The following NRG3 variants were observed in gnomAD, a reference collection of about 807,000 sequenced individuals.
The protein encoded by NRG3 is neuregulin 3.
In NRG3, 31 loss-of-function variants were observed where a neutral mutation model predicts 66.9. The observed-to-expected ratio is 0.46, with a 90% CI of 0.35 to 0.63. NRG3 has a LOEUF of 0.63. Ranked by LOEUF, NRG3 falls within the 20% of genes least tolerant of loss-of-function variation. NRG3 has a pLI of 0.00. For synonymous variants in NRG3, 393 were observed against 359.4 expected (o/e 1.09, Z -1.06); for missense variants, 910 against 878.9 (o/e 1.04, Z -0.45).
At chr10:82,642,636 A>G (rs773192972) in intron 2 of NRG3, among the ~76,000 whole-genome samples, 12 of 151,998 alleles carry the variant, frequency 7.9e-5, no homozygotes, top group Non-Finnish European at 1.2e-4. Context: ...GGTTCTTCCA[A>G]TATACATACA....
intron 1 of NRG3, among the ~76,000 whole-genome samples, chr10:82,256,886 A>G (rs2134160216): frequency 6.6e-6 from 1 of 152,282 alleles, no homozygotes; most frequent in Non-Finnish European, 1.5e-5. Flanking sequence ...CTATGATGAG[A>G]GGCATGTTTT....
Position 82,313,811 on chromosome 10 carries a change from A to G in NRG3, c.824-44928A>G, listed in dbSNP as rs538710735. The stretch of plus-strand genomic sequence containing the variant: ...TCTCTGGCGATTGAAGGCTTGGGGG[A>G]AAACAGAAGAATGGCTAAATGAGCA... On this transcript the variant is annotated intron_variant, in intron 1 of 8. Coordinates refer to ENST00000372141, the MANE Select transcript of NRG3 (RefSeq NM_001010848.4). Among the ~76,000 whole-genome samples, 95 of 152,240 alleles carry G rather than the reference A, an allele frequency of 6.2e-4. 1 individual carries two copies. The South Asian group carries it at 0.017, about 27-fold the overall frequency.
intron 2 of NRG3, among the ~76,000 whole-genome samples, chr10:82,660,522 G>A (rs2052272658): frequency 1.3e-5 from 2 of 152,126 alleles, no homozygotes; most frequent in Non-Finnish European, 2.9e-5. Flanking sequence ...TGAAATTAAA[G>A]ACATTAATGT....
intron 2 of NRG3, among the ~76,000 whole-genome samples, chr10:82,465,752 G>A (rs1028536282): frequency 3.9e-5 from 6 of 152,080 alleles, no homozygotes; most frequent in East Asian, 1.9e-4. Context: ...TGTATCTCAC[G>A]TGACCTCTGC....
At chr10:82,946,211 TAA>T (rs201328836) in intron 4 of NRG3, among the ~76,000 whole-genome samples, 31 of 129,068 alleles carry the variant, frequency 2.4e-4, no homozygotes, top group Middle Eastern at 4.2e-3. Context: ...ATTTGAGATT[TAA>T]AAAAAAAAAA....
intron 4 of NRG3, among the ~76,000 whole-genome samples, chr10:82,937,926 G>T (rs1177491975): frequency 6.6e-6 from 1 of 152,182 alleles, no homozygotes; most frequent in Non-Finnish European, 1.5e-5. Context: ...GAAATGAGCT[G>T]TAAGTCTCAT....
At chr10:82,173,302 G>C (rs1259182691) in intron 1 of NRG3, among the ~76,000 whole-genome samples, 1 of 151,602 alleles carries the variant, frequency 6.6e-6, no homozygotes, top group Non-Finnish European at 1.5e-5. Flanking sequence ...ATTCAGGACT[G>C]TTTGACAGTT....
intron 2 of NRG3, among the ~76,000 whole-genome samples, chr10:82,476,026 A>C (rs1303440693): frequency 6.6e-6 from 1 of 152,180 alleles, no homozygotes; most frequent in African/African-American, 2.4e-5. Flanking sequence ...AGAGCAAATG[A>C]CTTGAATAGA....
chr10:81,922,041 T>C (rs1846298377), intron 1 of NRG3, among the ~76,000 whole-genome samples: 2 of 152,288 alleles, frequency 1.3e-5, no homozygotes, highest in South Asian at 4.1e-4. Flanking sequence ...TTTCTTGATT[T>C]AAATGGAATG....
chr10:82,586,846 G>T (rs1468004505), intron 2 of NRG3, among the ~76,000 whole-genome samples: 1 of 152,088 alleles, frequency 6.6e-6, no homozygotes, highest in Non-Finnish European at 1.5e-5. Flanking sequence ...CAATTTTAAT[G>T]ATTTTGAATG....
chr10:82,396,396 A>G (rs1211628658), intron 2 of NRG3, among the ~76,000 whole-genome samples: 1 of 152,106 alleles, frequency 6.6e-6, no homozygotes, highest in Non-Finnish European at 1.5e-5. Context: ...TTTAATTCAA[A>G]TTCCACTTCC....
chr10:82,662,356 CTT>C (rs201289037), intron 2 of NRG3, among the ~76,000 whole-genome samples: 1 of 149,628 alleles, frequency 6.7e-6, no homozygotes, highest in East Asian at 2.0e-4. Flanking sequence ...CAAACAGACT[CTT>C]TTAAAAAAAA....
At chr10:81,994,550 TC>T (rs1424032088) in intron 1 of NRG3, among the ~76,000 whole-genome samples, 17 of 151,376 alleles carry the variant, frequency 1.1e-4, no homozygotes, top group African/African-American at 3.4e-4. Flanking sequence ...CTTTTTTTTT[TC>T]CTTGCATAAA....
intron 1 of NRG3, among the ~76,000 whole-genome samples, chr10:82,071,709 T>G (rs886968979): frequency 6.6e-6 from 1 of 152,124 alleles, no homozygotes; most frequent in Non-Finnish European, 1.5e-5. Flanking sequence ...ATTATTTTAC[T>G]TACATTTCAA....
chr10:82,944,623 T>A (rs1354305087), intron 4 of NRG3, among the ~76,000 whole-genome samples: 1 of 152,214 alleles, frequency 6.6e-6, no homozygotes, highest in Non-Finnish European at 1.5e-5. Flanking sequence ...AACTTTAAAA[T>A]GTCAACCCAA....
At chr10:82,038,648 C>T (rs1253272814) in intron 1 of NRG3, among the ~76,000 whole-genome samples, 1 of 152,136 alleles carries the variant, frequency 6.6e-6, no homozygotes, top group Non-Finnish European at 1.5e-5. Flanking sequence ...GCTGGAGGCA[C>T]TGCATAAAAG....
At chr10:82,043,648 A>G (rs2063140501) in intron 1 of NRG3, among the ~76,000 whole-genome samples, 1 of 152,054 alleles carries the variant, frequency 6.6e-6, no homozygotes, top group Non-Finnish European at 1.5e-5. Flanking sequence ...ATAGGTAGGT[A>G]TAACACTCTG....
intron 1 of NRG3, among the ~76,000 whole-genome samples, chr10:82,064,858 G>A (rs2064363290): frequency 6.6e-6 from 1 of 152,202 alleles, no homozygotes; most frequent in Non-Finnish European, 1.5e-5. Flanking sequence ...TTTAATGGAA[G>A]AAGAATTATT....
intron 4 of NRG3, among the ~76,000 whole-genome samples, chr10:82,939,249 G>A (rs991731657): frequency 3.9e-5 from 6 of 152,200 alleles, no homozygotes; most frequent in African/African-American, 1.2e-4. Context: ...TATTTGGTGG[G>A]GGTGCAGGGG....
Sources: gnomAD v4.1 joint callset for allele counts (sites outside exome capture counted in the v4.1 genomes callset) on GRCh38, gnomAD v4.1.1 for gene constraint, MANE v1.5 for transcripts, NCBI Gene and HGNC (gene_info 2026-07-23, HGNC 2026-07-21) for gene names.